SHLD1: variants seen among roughly 807,000 people sequenced by gnomAD.
The protein encoded by SHLD1 is RINN1-REV7-interacting novel NHEJ regulator 3.
In SHLD1, 3 loss-of-function variants were observed where a neutral mutation model predicts 5.5. The observed-to-expected ratio is 0.54, with a 90% CI of 0.25 to 1.40. SHLD1 has a LOEUF of 1.40. Ranked by LOEUF, SHLD1 falls within the 40% of genes most tolerant of loss-of-function variation. SHLD1 has a pLI of 0.15. For missense variants in SHLD1, 210 were observed against 244.4 expected (o/e 0.86, Z 0.94); for synonymous variants, 92 against 94.3 (o/e 0.98, Z 0.14).
intron 1 of SHLD1, among the ~76,000 whole-genome samples, chr20:5,759,646 A>G (rs752585283): frequency 1.3e-5 from 2 of 151,824 alleles, no homozygotes; most frequent in Non-Finnish European, 2.9e-5. Flanking sequence ...TGATCCTCCC[A>G]CCTCAGCCTC....
chr20:5,812,533 A>G lies in SHLD1; in HGVS notation c.178+39490A>G, dbSNP rs545235305. On this transcript the variant is annotated intron_variant, in intron 2 of 2. Coordinates refer to ENST00000303142, the MANE Select transcript of SHLD1 (RefSeq NM_152504.4). ...AAGTGAACGAGTGGCCTCTTGTAAG[A>G]CAACAGAGCCAGAAGTCCTCAGGAG... Among the ~76,000 whole-genome samples the G allele has an allele frequency of 2.4e-4, 36 of 152,328 alleles. No homozygotes were observed. In the South Asian group the frequency reaches 6.6e-3, roughly 28 times the overall value.
chr20:5,771,340 C>T (rs1775397929), intron 1 of SHLD1, among the ~76,000 whole-genome samples: 2 of 152,178 alleles, frequency 1.3e-5, no homozygotes, highest in South Asian at 4.1e-4. Context: ...AAAAATGTTG[C>T]AGCAGCTTCT....
intron 2 of SHLD1, among the ~76,000 whole-genome samples, chr20:5,804,119 T>C (rs2087339771): frequency 6.6e-6 from 1 of 151,440 alleles, no homozygotes. Context: ...GAGACCAGCC[T>C]GGCCAACATA....
At chr20:5,779,895 C>A (rs1047572740) in intron 2 of SHLD1, among the ~76,000 whole-genome samples, 2 of 151,894 alleles carry the variant, frequency 1.3e-5, no homozygotes, top group African/African-American at 2.4e-5. Flanking sequence ...GGACCTGGCT[C>A]CCCCAGCTAC....
chr20:5,756,184 C>A (rs534970114), intron 1 of SHLD1, among the ~76,000 whole-genome samples: 1 of 152,024 alleles, frequency 6.6e-6, no homozygotes, highest in African/African-American at 2.4e-5. Flanking sequence ...TTCTTTGTGG[C>A]TCATGTCTGT....
rs188190729 is a variant in SHLD1, at chr20:5,773,132, C to G, written c.178+89C>G. On this transcript the variant is annotated intron_variant, in intron 2 of 2. Coordinates refer to ENST00000303142, the MANE Select transcript of SHLD1 (RefSeq NM_152504.4). The stretch of plus-strand genomic sequence containing the variant: ...AGTTTGTTTCTCTCTCTTCCAATAG[C>G]AGATCTCTGAGAATGCTTCATTGTC... 4.4e-5 allele frequency: 62 copies of G among 1,402,218 alleles called. No individual in the cohort carries two copies. The East Asian group carries it at 9.2e-4, about 21-fold the overall frequency. 86.9% of individuals were successfully genotyped at this position (1,402,218 alleles called of 1,614,324 possible). A position where few individuals can be genotyped will look rare whatever the true frequency, so the allele number is the denominator to read the frequency against.
At chr20:5,848,690 C>T (rs1600176763) in intron 2 of SHLD1, among the ~76,000 whole-genome samples, 1 of 152,254 alleles carries the variant, frequency 6.6e-6, no homozygotes, top group Middle Eastern at 3.4e-3. Context: ...ATATAAAATG[C>T]CAAAGTAGAA....
At chr20:5,810,722 A>G (rs1205530243) in intron 2 of SHLD1, among the ~76,000 whole-genome samples, 11 of 151,968 alleles carry the variant, frequency 7.2e-5, no homozygotes. Flanking sequence ...TGGTGAAACC[A>G]TGTCTCCACA....
chr20:5,775,842 C>T (rs1000572116), intron 2 of SHLD1, among the ~76,000 whole-genome samples: 1 of 150,816 alleles, frequency 6.6e-6, no homozygotes, highest in Non-Finnish European at 1.5e-5. Flanking sequence ...TAGTGTGTGG[C>T]AGGGAGTGGA....
At chr20:5,773,711 G>C (rs1308346826) in intron 2 of SHLD1, among the ~76,000 whole-genome samples, 1 of 152,148 alleles carries the variant, frequency 6.6e-6, no homozygotes, top group Non-Finnish European at 1.5e-5. Flanking sequence ...TGGATTTAAA[G>C]TTCAGCTCTG....
At chr20:5,765,220 T>C (rs1265780447) in intron 1 of SHLD1, 1 of 150,358 alleles carries the variant, frequency 6.7e-6, no homozygotes, top group Non-Finnish European at 1.5e-5. Flanking sequence ...AAAAAGAATA[T>C]TTACAATAAC....
At chr20:5,813,667 G>A (rs2122383721) in intron 2 of SHLD1, among the ~76,000 whole-genome samples, 1 of 152,300 alleles carries the variant, frequency 6.6e-6, no homozygotes, top group South Asian at 2.1e-4. Context: ...GGCAATGTGT[G>A]TGTAGAGTCT....
intron 1 of SHLD1, among the ~76,000 whole-genome samples, chr20:5,766,006 A>T (rs184176102): frequency 3.9e-5 from 6 of 152,138 alleles, no homozygotes; most frequent in Admixed American, 3.3e-4. Context: ...TATAGGTATC[A>T]TTTCAATGTG....
chr20:5,804,939 G>A (rs2087351581), intron 2 of SHLD1, among the ~76,000 whole-genome samples: 1 of 152,188 alleles, frequency 6.6e-6, no homozygotes, highest in South Asian at 2.1e-4. Flanking sequence ...TGGAGTCCAG[G>A]CAGCAGGAGG....
chr20:5,788,752 T>C (rs1449658732), intron 2 of SHLD1, among the ~76,000 whole-genome samples: 2 of 152,256 alleles, frequency 1.3e-5, no homozygotes, highest in African/African-American at 4.8e-5. Flanking sequence ...TTATATTCAC[T>C]GCACATGAAT....
At position 5,855,677 on chromosome 20, in the gene SHLD1, A is replaced by G. The variant is rs575596055; in HGVS notation, c.179-7347A>G. Among the ~76,000 whole-genome samples, 1 of 152,256 alleles carries G rather than the reference A, an allele frequency of 6.6e-6. No homozygotes were observed. Among genetic ancestry groups the G allele is most frequent in the East Asian group, 1.9e-4 (1 of 5,180 alleles). On this transcript the variant is annotated intron_variant, in intron 2 of 2. Coordinates refer to ENST00000303142, the MANE Select transcript of SHLD1 (RefSeq NM_152504.4). The surrounding 1 kb of genome is among the most constrained non-coding windows in gnomAD (Gnocchi z 4.4). ...ATGAGCCGCCGCACCTGGCCTGCCA[A>G]CCACATTTTATTTATCCATTTATCT...
At chr20:5,782,422 T>C (rs993293510) in intron 2 of SHLD1, among the ~76,000 whole-genome samples, 1 of 152,174 alleles carries the variant, frequency 6.6e-6, no homozygotes, top group East Asian at 1.9e-4. Flanking sequence ...TCCAAGGTAC[T>C]TTCTAATATA....
intron 2 of SHLD1, among the ~76,000 whole-genome samples, chr20:5,819,046 A>G (rs966013718): frequency 2.6e-5 from 4 of 152,010 alleles, no homozygotes; most frequent in Non-Finnish European, 5.9e-5. Flanking sequence ...TGTTTTTAGT[A>G]GAAACAGGTT....
At chr20:5,838,189 G>A (rs2087812644) in intron 2 of SHLD1, among the ~76,000 whole-genome samples, 1 of 152,208 alleles carries the variant, frequency 6.6e-6, no homozygotes, top group Non-Finnish European at 1.5e-5. Flanking sequence ...GTGTGCATGT[G>A]TGTGCCTGAG....
Sources: gnomAD v4.1 joint callset for allele counts (sites outside exome capture counted in the v4.1 genomes callset) on GRCh38, gnomAD v4.1.1 for gene constraint, Gnocchi (gnomAD v3.1) non-coding constraint, MANE v1.5 for transcripts, NCBI Gene and HGNC (gene_info 2026-07-23, HGNC 2026-07-21) for gene names.